DAPK2: variants seen among roughly 807,000 people sequenced by gnomAD.
DAPK2 encodes death-associated protein kinase 2.
Under a neutral mutation model 44.1 loss-of-function variants are expected in DAPK2, and 35 were observed. The observed-to-expected ratio is 0.79, with a 90% CI of 0.61 to 1.05. DAPK2 has a LOEUF of 1.05. DAPK2 is among the 50% of genes least tolerant of loss of function. DAPK2 has a pLI of 0.00. For synonymous variants in DAPK2, 174 were observed against 182.6 expected (o/e 0.95, Z 0.38); for missense variants, 453 against 483.2 (o/e 0.94, Z 0.59).
chr15:63,930,992 A>G (rs1206513184), intron 4 of DAPK2, among the ~76,000 whole-genome samples: 1 of 152,080 alleles, frequency 6.6e-6, no homozygotes, highest in Non-Finnish European at 1.5e-5. Context: ...TGAGCCTGGG[A>G]AGGCTGACGC....
rs754938406 is a variant in DAPK2 at position 63,912,172 on chromosome 15, A to G, written c.884T>C (p.Val295Ala). Residue 295 changes from valine to alanine, a missense_variant, in exon 9 of 11, where the codon GTG becomes GCG. Transcript: ENST00000261891. The surrounding 1 kb of genome is among the most constrained non-coding windows in gnomAD (Gnocchi z 4.4). ...CAGATTGACCACAGACTCCCTGCGC[A>G]CCATGGCTTGCTGGTTGTCCACCGG... 3 of 1,608,192 alleles carry G rather than the reference A, an allele frequency of 1.9e-6. No homozygotes were observed. Among genetic ancestry groups the G allele is most frequent in the Non-Finnish European group, 1.7e-6 (2 of 1,177,150 alleles).
At chr15:63,929,408 C>T in intron 6 of DAPK2, 143 bp downstream of exon 7, 1 of 1,056,940 alleles carries the variant, frequency 9.5e-7, no homozygotes. Flanking sequence ...AGCACTTAGC[C>T]TCAGGCTTGC....
chr15:64,024,018 C>A (rs537354347), intron 1 of DAPK2, among the ~76,000 whole-genome samples: 2 of 152,114 alleles, frequency 1.3e-5, no homozygotes, highest in African/African-American at 4.8e-5. Context: ...GTCTACCTTG[C>A]GCGGTTAAGT....
At position 64,020,482 on chromosome 15, in the gene DAPK2, C is replaced by T. The variant is rs1473345104; in HGVS notation, c.92+19688G>A. Among the ~76,000 whole-genome samples the T allele has an allele frequency of 3.3e-5, 5 of 152,196 alleles. No homozygotes were observed. Among genetic ancestry groups the T allele is most frequent in the Admixed American group, 1.3e-4 (2 of 15,282 alleles). Reference sequence around the variant, plus strand: ...CATGGCATCATCAATTCTCTTGCCTCTTGCTGTCATTTATTCATTCATATC... The same window carrying T: ...CATGGCATCATCAATTCTCTTGCCTTTTGCTGTCATTTATTCATTCATATC... On this transcript the variant is annotated intron_variant, in intron 1 of 10. Coordinates refer to ENST00000261891, the Ensembl canonical transcript of DAPK2. This position sits in a 1 kb window ranked among gnomAD's most constrained non-coding sequence, Gnocchi z 4.5.
At chr15:64,033,565 G>C (rs550453747) in intron 1 of DAPK2, among the ~76,000 whole-genome samples, 1 of 152,156 alleles carries the variant, frequency 6.6e-6, no homozygotes, top group Non-Finnish European at 1.5e-5. Context: ...GGTCCCCTCT[G>C]TCCACACACA....
rs574973584 is a variant in DAPK2, at chr15:63,978,795, C to T, written c.314+4738G>A. Among the ~76,000 whole-genome samples, 16 of 152,294 alleles carry T rather than the reference C, an allele frequency of 1.1e-4. 1 individual carries two copies. Among genetic ancestry groups the T allele is most frequent in the East Asian group, 1.9e-4 (1 of 5,188 alleles). ...CTTTAAGATGAAAAACAAAGCCTCA[C>T]GACCTGGCCTCATCTCTTCTCCTAG... On this transcript the variant is annotated intron_variant, in intron 2 of 10. Transcript: ENST00000261891.
At chr15:63,973,851 C>T (rs1382074393) in intron 2 of DAPK2, among the ~76,000 whole-genome samples, 1 of 152,112 alleles carries the variant, frequency 6.6e-6, no homozygotes, top group African/African-American at 2.4e-5. Flanking sequence ...CCAGCCTTGC[C>T]ACTGACCTTG....
rs561201773 is a variant in DAPK2, at chr15:64,018,230, A to G, written c.92+21940T>C. On this transcript the variant is annotated intron_variant, in intron 1 of 10. Transcript: ENST00000261891. ...GAGGCGGGCAGACAAGCATTCTCAA[A>G]TGACGGTTTGCAGGTAGACAGATCT... Among the ~76,000 whole-genome samples the G allele has an allele frequency of 5.3e-5, 8 of 152,242 alleles. No homozygotes were observed. In the South Asian group the frequency reaches 1.7e-3, roughly 32 times the overall value.
intron 1 of DAPK2, among the ~76,000 whole-genome samples, chr15:63,988,103 C>G (rs1043402855): frequency 5.9e-5 from 9 of 152,172 alleles, no homozygotes; most frequent in Admixed American, 1.3e-4. Flanking sequence ...TGCCAGCACA[C>G]TCTCCTGCAA....
intron 1 of DAPK2, among the ~76,000 whole-genome samples, chr15:64,034,153 G>C (rs553827424): frequency 2.0e-5 from 3 of 152,240 alleles, no homozygotes; most frequent in Admixed American, 2.0e-4. Flanking sequence ...TGAGTAAATC[G>C]AACACCTATG....
chr15:63,922,297 C>T, intron 8 of DAPK2: 1 of 994,032 alleles, frequency 1.0e-6, no homozygotes, highest in Non-Finnish European at 1.2e-6. Context: ...ATCCCTGCTT[C>T]TGTAGCAGGA....
chr15:64,008,398 T>C (rs1286617392), intron 1 of DAPK2, among the ~76,000 whole-genome samples: 2 of 152,292 alleles, frequency 1.3e-5, no homozygotes, highest in Middle Eastern at 3.4e-3. Flanking sequence ...AGAGTTACAG[T>C]CACAGAGCCA....
At chr15:63,911,885 G>T (rs769889828) in intron 10 of DAPK2, 23 bp downstream of exon 11, 1 of 1,609,534 alleles carries the variant, frequency 6.2e-7, no homozygotes, top group Non-Finnish European at 8.5e-7. Context: ...TTCTGCCCAA[G>T]AAGAGGGCAT....
intron 3 of DAPK2, among the ~76,000 whole-genome samples, chr15:63,962,853 G>C (rs2140652201): frequency 6.6e-6 from 1 of 152,290 alleles, no homozygotes; most frequent in Non-Finnish European, 1.5e-5. Flanking sequence ...CTCCATGCTG[G>C]GAGAACCACT....
intron 8 of DAPK2, among the ~76,000 whole-genome samples, chr15:63,915,218 T>C (rs935420301): frequency 2.0e-5 from 3 of 152,388 alleles, no homozygotes; most frequent in Non-Finnish European, 4.4e-5. Flanking sequence ...GATCTGTGGT[T>C]GACTGAATCT....
intron 3 of DAPK2, among the ~76,000 whole-genome samples, chr15:63,964,743 C>G (rs2078006766): frequency 6.6e-6 from 1 of 152,034 alleles, no homozygotes; most frequent in Admixed American, 6.6e-5. Flanking sequence ...CTGACGCATT[C>G]TTCAGTACAT....
At chr15:63,911,795 G>T in intron 10 of DAPK2, 113 bp downstream of exon 11, 1 of 1,049,940 alleles carries the variant, frequency 9.5e-7, no homozygotes, top group Non-Finnish European at 1.4e-6. Context: ...CAGCAGAACT[G>T]GCTGGAAACA....
At chr15:63,947,272 T>A (rs1376588849) in intron 3 of DAPK2, among the ~76,000 whole-genome samples, 1 of 151,996 alleles carries the variant, frequency 6.6e-6, no homozygotes, top group African/African-American at 2.4e-5. Context: ...TGCACACACC[T>A]CTGGCAGAGA....
intron 1 of DAPK2, among the ~76,000 whole-genome samples, chr15:63,985,975 C>T (rs1290652078): frequency 6.6e-6 from 1 of 152,224 alleles, no homozygotes; most frequent in Non-Finnish European, 1.5e-5. Context: ...TTTCCCTCCC[C>T]AAAAGGAGGT....
Sources: allele counts gnomAD v4.1 joint callset (sites outside exome capture counted in the v4.1 genomes callset), GRCh38; gene constraint gnomAD v4.1.1; non-coding constraint Gnocchi (gnomAD v3.1); transcripts MANE v1.5; gene names NCBI Gene and HGNC (gene_info 2026-07-23, HGNC 2026-07-21).